IK: variants seen among roughly 807,000 people sequenced by gnomAD.
The protein encoded by IK is protein Red.
A neutral mutation model predicts 90.9 loss-of-function variants in IK; 47 were observed. That is an observed-to-expected ratio of 0.52 (90% CI 0.41 to 0.66). The LOEUF is 0.66. IK is among the 30% of genes least tolerant of loss of function. IK has a pLI of 0.00. For missense variants in IK, 385 were observed against 709.3 expected (o/e 0.54, Z 5.19); for synonymous variants, 201 against 227.5 (o/e 0.88, Z 1.05).
intron 1 of IK, chr5:140,648,139 T>G: frequency 1.4e-6 from 1 of 715,950 alleles, no homozygotes; most frequent in Non-Finnish European, 2.5e-6. Context: ...TCACTCCTAC[T>G]CCAAGTGATG....
chr5:140,661,018 A>G lies in IK; in HGVS notation c.1413+203A>G. ...CACAAGATCAAATGACATAGGGTCA[A>G]AAATCTATTTTTTACTTCCTATAGC... On this transcript the variant is annotated intron_variant, in intron 16 of 19. Transcript: ENST00000417647. The surrounding 1 kb of genome is among the most constrained non-coding windows in gnomAD (Gnocchi z 4.2). 4.1e-6 allele frequency: 2 copies of G among 483,750 alleles called. No individual in the cohort carries two copies. Among genetic ancestry groups the G allele is most frequent in the South Asian group, 4.3e-5 (1 of 23,008 alleles). 30.0% of individuals were successfully genotyped at this position (483,750 alleles called of 1,614,324 possible). A position where few individuals can be genotyped will look rare whatever the true frequency, so the allele number is the denominator to read the frequency against.
rs1001519121 is a variant in IK, at chr5:140,661,726, A to G, written c.1502+18A>G. On this transcript the variant is annotated intron_variant, in intron 17 of 19. Coordinates refer to ENST00000417647, the MANE Select transcript of IK (RefSeq NM_006083.4). This position sits in a 1 kb window ranked among gnomAD's most constrained non-coding sequence, Gnocchi z 4.2. Reference sequence around the variant, plus strand: ...TTGCCCAAGTGAGTCGGTACTGAATATGGGCAGGGTGTGAGGAGGGGTGTG... The same window carrying G: ...TTGCCCAAGTGAGTCGGTACTGAATGTGGGCAGGGTGTGAGGAGGGGTGTG... The G allele has an allele frequency of 1.9e-6, 3 of 1,574,544 alleles. No individual in the cohort carries two copies. The African/African-American group carries it at 4.0e-5, about 21-fold the overall frequency.
Position 140,647,843 on chromosome 5 carries a change from A to C in IK, c.-66A>C, listed in dbSNP as rs747666614. ...GATTCTGAGGTGCACTGTGGGAAAG[A>C]GCTTGTCGCTGCGGTGTTGCTGTTG... On this transcript the variant is annotated 5_prime_UTR_variant, in exon 1 of 20. Coordinates refer to ENST00000417647, the MANE Select transcript of IK (RefSeq NM_006083.4). 2.5e-6 allele frequency: 4 copies of C among 1,596,906 alleles called. No individual in the cohort carries two copies. Among genetic ancestry groups the C allele is most frequent in the Admixed American group, 3.3e-5 (2 of 60,004 alleles).
chr5:140,650,342 T>A (rs1757594091), intron 2 of IK, among the ~76,000 whole-genome samples: 1 of 152,188 alleles, frequency 6.6e-6, no homozygotes, highest in Non-Finnish European at 1.5e-5. Flanking sequence ...TTCTGTGAAC[T>A]GACTTAGGAT....
At chr5:140,660,732 T>G in intron 15 of IK, 26 bp from the exon 16 acceptor site, 1 of 1,597,334 alleles carries the variant, frequency 6.3e-7, no homozygotes, top group Non-Finnish European at 8.6e-7. Flanking sequence ...GTATGCAACA[T>G]CTGTTTAACT....
Position 140,661,470 on chromosome 5 carries a change from T to C in IK, c.1414-150T>C. ...AATAATGCCTGTCACATAGTAAGTA[T>C]GTAATAAGCATTTATTATTACTTAT... On this transcript the variant is annotated intron_variant, in intron 16 of 19. Transcript: ENST00000417647. The surrounding 1 kb of genome is among the most constrained non-coding windows in gnomAD (Gnocchi z 4.2). 1.6e-6 allele frequency: 1 copy of C among 621,304 alleles called. No individual in the cohort carries two copies. Among genetic ancestry groups the C allele is most frequent in the Non-Finnish European group, 2.9e-6 (1 of 342,092 alleles). 38.5% of individuals were successfully genotyped at this position (621,304 alleles called of 1,614,324 possible).
At chr5:140,655,701 G>T in intron 8 of IK, 128 bp from the exon 9 acceptor site, 1 of 805,380 alleles carries the variant, frequency 1.2e-6, no homozygotes, top group Non-Finnish European at 2.0e-6. Flanking sequence ...ACTTCATAGG[G>T]CTGTTGCAAA....
At chr5:140,657,728 C>G in intron 10 of IK, 66 bp downstream of exon 10, 1 of 1,012,412 alleles carries the variant, frequency 9.9e-7, no homozygotes, top group South Asian at 1.4e-5. Flanking sequence ...ACCAAGGTCT[C>G]CTGGAGCTTT....
chr5:140,659,754 A>G lies in IK; in HGVS notation c.1196-2A>G. 6.3e-7 allele frequency: 1 copy of G among 1,585,990 alleles called. No homozygotes were observed. Among genetic ancestry groups the G allele is most frequent in the Non-Finnish European group, 8.6e-7 (1 of 1,164,066 alleles). Reference sequence around the variant, plus strand: ...TCTGGGCTGAGTTCTCTTTTCTCCTAGGACCTGGGTCTACCAAGGAGTTGA... The same window carrying G: ...TCTGGGCTGAGTTCTCTTTTCTCCTGGGACCTGGGTCTACCAAGGAGTTGA... On this transcript the variant is annotated splice_acceptor_variant, in intron 13 of 19. Transcript: ENST00000417647. LOFTEE classifies it high-confidence loss of function.
Position 140,661,103 on chromosome 5 carries a change from A to C in IK, c.1413+288A>C. On this transcript the variant is annotated intron_variant, in intron 16 of 19. Coordinates refer to ENST00000417647, the MANE Select transcript of IK (RefSeq NM_006083.4). This position sits in a 1 kb window ranked among gnomAD's most constrained non-coding sequence, Gnocchi z 4.2. ...AAGCAAGCATCAATGCATAAGTAGA[A>C]AGGGCAGAAAAAATTGCAGTCTTTG... The C allele has an allele frequency of 2.7e-6, 1 of 377,236 alleles. No homozygotes were observed. The highest frequency in any genetic ancestry group is 4.7e-6 in the Non-Finnish European group (1 of 212,376). The allele number at this position is 377,236 out of a possible 1,614,324, so 23.4% of individuals were successfully genotyped here. A position where few individuals can be genotyped will look rare whatever the true frequency, so the allele number is the denominator to read the frequency against.
intron 9 of IK, among the ~76,000 whole-genome samples, chr5:140,656,429 T>A (rs1757710503): frequency 6.6e-6 from 1 of 152,134 alleles, no homozygotes; most frequent in Admixed American, 6.6e-5. Flanking sequence ...AAGTGATCCA[T>A]CCGCCTTGGC....
At chr5:140,648,431 G>GT in intron 1 of IK, 40 bp from the exon 2 acceptor site, 2 of 1,596,646 alleles carry the variant, frequency 1.3e-6, no homozygotes, top group African/African-American at 1.3e-5. Context: ...GATCTGACAC[G>GT]TAAGAGACTG....
chr5:140,660,340 C>A, intron 15 of IK, 145 bp downstream of exon 15: 1 of 568,820 alleles, frequency 1.8e-6, no homozygotes. Flanking sequence ...CTCTGTCACC[C>A]AGGCTGGAAT....
intron 8 of IK, among the ~76,000 whole-genome samples, chr5:140,655,551 G>A (rs1350240090): frequency 3.3e-5 from 5 of 152,214 alleles, no homozygotes; most frequent in African/African-American, 1.2e-4. Context: ...CAATGTAGAA[G>A]AGTGGACAGG....
intron 2 of IK, chr5:140,648,886 G>T: frequency 3.6e-6 from 1 of 280,450 alleles, no homozygotes; most frequent in Non-Finnish European, 7.0e-6. Context: ...TGCTCAGGCT[G>T]GAATGCAGTG....
chr5:140,650,194 C>T (rs1227210044), intron 2 of IK, among the ~76,000 whole-genome samples: 1 of 152,146 alleles, frequency 6.6e-6, no homozygotes, highest in Non-Finnish European at 1.5e-5. Context: ...CTGTTGTATT[C>T]GGAATTAAGT....
intron 13 of IK, among the ~76,000 whole-genome samples, 165 bp from the exon 14 acceptor site, chr5:140,659,591 T>C (rs1047015212): frequency 2.0e-5 from 3 of 152,220 alleles, no homozygotes; most frequent in Non-Finnish European, 4.4e-5. Context: ...ATGTTCTGGA[T>C]ACCCTACCCT....
Position 140,654,402 on chromosome 5 carries a change from A to G in IK, c.520-114A>G, listed in dbSNP as rs575432421. The stretch of plus-strand genomic sequence containing the variant: ...CTGCTATAAGCTCCATTAGAGTAAG[A>G]ACAATATCTGTCATGTTTAATATTA... On this transcript the variant is annotated intron_variant, in intron 6 of 19. Coordinates refer to ENST00000417647, the MANE Select transcript of IK (RefSeq NM_006083.4). The G allele has an allele frequency of 1.9e-5, 16 of 848,746 alleles. No individual in the cohort carries two copies. In the East Asian group the frequency reaches 3.7e-4, roughly 20 times the overall value. 52.6% of individuals were successfully genotyped at this position (848,746 alleles called of 1,614,324 possible).
rs1429187117 is a variant in IK, at chr5:140,659,782, A to G, written c.1222A>G (p.Lys408Glu). Residue 408 changes from lysine (K) to glutamate (E), a missense_variant, in exon 14 of 20, where the codon AAG becomes GAG. By Grantham distance (56) the Lys-to-Glu change is moderately conservative. Around this residue, in one of 8 missense-constraint regions of IK, gnomAD observed 139 missense variants for 172.0 expected, o/e 0.81. Transcript: ENST00000417647. Reference sequence around the variant, plus strand: ...ACCTGGGTCTACCAAGGAGTTGATCAAGTCCATCAATGAAAAGTTTGCTGG... The same window carrying G: ...ACCTGGGTCTACCAAGGAGTTGATCGAGTCCATCAATGAAAAGTTTGCTGG... ...KGPGSTKELI[K>E]SINEKFAGSA... 2.5e-6 allele frequency: 4 copies of G among 1,599,670 alleles called. No individual in the cohort carries two copies. Among genetic ancestry groups the G allele is most frequent in the Non-Finnish European group, 3.4e-6 (4 of 1,172,844 alleles).
Sources: allele counts gnomAD v4.1 joint callset (sites outside exome capture counted in the v4.1 genomes callset), GRCh38; gene constraint gnomAD v4.1.1; regional missense constraint gnomAD v4.1.1; non-coding constraint Gnocchi (gnomAD v3.1); transcripts MANE v1.5; gene names NCBI Gene and HGNC (gene_info 2026-07-23, HGNC 2026-07-21).